CNTN1: variants seen among roughly 807,000 people sequenced by gnomAD.
CNTN1 encodes contactin 1.
In CNTN1, 38 loss-of-function variants were observed where a neutral mutation model predicts 126.4. That is an observed-to-expected ratio of 0.30 (90% CI 0.23 to 0.39). The LOEUF (loss-of-function observed/expected upper bound fraction) is 0.39, where lower values mean the gene tolerates loss of function less well. CNTN1 is among the 10% of genes least tolerant of loss of function. The pLI is 1.00. For synonymous variants in CNTN1, 413 were observed against 422.6 expected, an observed-to-expected ratio of 0.98 and a Z score of 0.28; for missense variants, 1,009 against 1,248.4, an observed-to-expected ratio of 0.81 and a Z score of 2.89.
chr12:40,889,690 A>T (rs191043858), intron 1 of CNTN1, among the ~76,000 whole-genome samples: 16 of 152,300 alleles, frequency 1.1e-4, no homozygotes, highest in Admixed American at 1.0e-3. Flanking sequence ...ATGAGTATTA[A>T]AAAAAGATAA....
chr12:40,840,597 A>C (rs1942238354), intron 1 of CNTN1, among the ~76,000 whole-genome samples: 1 of 151,096 alleles, frequency 6.6e-6, no homozygotes, highest in Admixed American at 6.6e-5. Flanking sequence ...TGAGACAGCA[A>C]AACAAGTCTC....
chr12:40,948,136 G>A (rs948556002), intron 14 of CNTN1, among the ~76,000 whole-genome samples: 4 of 151,766 alleles, frequency 2.6e-5, no homozygotes, highest in Non-Finnish European at 5.9e-5. Context: ...ACTTGGCACA[G>A]CATCTGAGAG....
intron 1 of CNTN1, among the ~76,000 whole-genome samples, chr12:40,793,467 A>G (rs944813385): frequency 4.8e-3 from 14 of 2,904 alleles, no homozygotes; most frequent in South Asian, 0.062. Context: ...CTTGTGGGGA[A>G]AAAAAAAAAA....
intron 1 of CNTN1, among the ~76,000 whole-genome samples, chr12:40,771,410 A>G (rs1413081322): frequency 6.6e-6 from 1 of 152,056 alleles, no homozygotes; most frequent in East Asian, 1.9e-4. Context: ...AAATAAAGTC[A>G]ATGTCTAGTG....
chr12:40,695,250 G>A (rs1034567955), intron 1 of CNTN1, among the ~76,000 whole-genome samples: 5 of 152,210 alleles, frequency 3.3e-5, no homozygotes, highest in Admixed American at 3.3e-4. Flanking sequence ...GATGGGTGCA[G>A]CAATGATTTG....
chr12:41,065,395 C>G (rs1189288129), intron 23 of CNTN1, among the ~76,000 whole-genome samples: 1 of 152,064 alleles, frequency 6.6e-6, no homozygotes, highest in Non-Finnish European at 1.5e-5. Flanking sequence ...GCCAGCTTGT[C>G]CTGTTAAAAT....
intron 1 of CNTN1, among the ~76,000 whole-genome samples, chr12:40,740,566 G>T (rs1309455533): frequency 6.6e-6 from 1 of 152,040 alleles, no homozygotes; most frequent in Non-Finnish European, 1.5e-5. Context: ...AGACAATTTA[G>T]GGCCCAGCCT....
At chr12:40,786,521 G>C (rs1940027442) in intron 1 of CNTN1, among the ~76,000 whole-genome samples, 1 of 152,154 alleles carries the variant, frequency 6.6e-6, no homozygotes, top group Admixed American at 6.5e-5. Flanking sequence ...TGGCTGAAGG[G>C]ACTTATAAGG....
At chr12:40,764,945 G>C (rs977055356) in intron 1 of CNTN1, among the ~76,000 whole-genome samples, 2 of 152,038 alleles carry the variant, frequency 1.3e-5, no homozygotes. Context: ...ATTGAGATTA[G>C]AGAACATATT....
chr12:40,695,074 G>A (rs1416290879), intron 1 of CNTN1, among the ~76,000 whole-genome samples: 3 of 152,146 alleles, frequency 2.0e-5, no homozygotes, highest in African/African-American at 7.2e-5. Flanking sequence ...GTCTTATTTT[G>A]TTGCTTAATC....
intron 1 of CNTN1, among the ~76,000 whole-genome samples, chr12:40,856,156 A>G (rs1180838822): frequency 6.6e-6 from 1 of 152,142 alleles, no homozygotes; most frequent in Non-Finnish European, 1.5e-5. Context: ...AGATAAATGT[A>G]TCTTAAGTTA....
At chr12:40,749,284 TGTACA>T (rs1283152234) in intron 1 of CNTN1, among the ~76,000 whole-genome samples, 1 of 152,144 alleles carries the variant, frequency 6.6e-6, no homozygotes, top group Non-Finnish European at 1.5e-5. Context: ...GCAAACTGAA[TGTACA>T]GTAAACAGCC....
chr12:40,788,940 T>C (rs954070531), intron 1 of CNTN1, among the ~76,000 whole-genome samples: 2 of 152,166 alleles, frequency 1.3e-5, no homozygotes, highest in Admixed American at 6.6e-5. Context: ...TCGATATTCT[T>C]AATTTTTAAT....
chr12:41,036,194 A>G (rs953474917), intron 23 of CNTN1, among the ~76,000 whole-genome samples: 1 of 152,162 alleles, frequency 6.6e-6, no homozygotes, highest in African/African-American at 2.4e-5. Flanking sequence ...TAAAGAGTGT[A>G]TGTGAAGACT....
At chr12:40,837,030 T>C (rs1365961991) in intron 1 of CNTN1, among the ~76,000 whole-genome samples, 2 of 152,230 alleles carry the variant, frequency 1.3e-5, no homozygotes, top group African/African-American at 2.4e-5. Flanking sequence ...TTCAGTGATA[T>C]TTCGGAACCC....
intron 17 of CNTN1, among the ~76,000 whole-genome samples, chr12:40,994,668 A>G (rs962168856): frequency 3.3e-5 from 5 of 152,094 alleles, no homozygotes; most frequent in Non-Finnish European, 7.4e-5. Context: ...TGTCTCCTAT[A>G]AAGCTTCATC....
intron 19 of CNTN1, 27 bp from the exon 20 acceptor site, chr12:41,020,310 T>A (rs1184604683): frequency 7.2e-7 from 1 of 1,388,758 alleles, no homozygotes; most frequent in South Asian, 1.2e-5. Flanking sequence ...ATCTCACTAA[T>A]AATATAATGT....
Position 40,824,354 on chromosome 12 carries a change from C to A in CNTN1, c.-76-84003C>A, listed in dbSNP as rs996081622. On this transcript the variant is annotated intron_variant, in intron 1 of 23. Transcript: ENST00000551295. The stretch of plus-strand genomic sequence containing the variant: ...TCTCTTTCCTGGAAATGCCTTCAAG[C>A]CTTTTCTTCCAACACTAAGCCTTGA... Among the ~76,000 whole-genome samples, 4 of 152,062 alleles carry A rather than the reference C, an allele frequency of 2.6e-5. No individual in the cohort carries two copies. In the East Asian group the frequency reaches 5.8e-4, roughly 22 times the overall value.
chr12:40,871,247 G>GGTAT (rs1276654732), intron 1 of CNTN1, among the ~76,000 whole-genome samples: 2 of 151,108 alleles, frequency 1.3e-5, no homozygotes, highest in African/African-American at 2.4e-5. Context: ...ATAAACACAG[G>GGTAT]GTATGGTATT....
Sources: gnomAD v4.1 joint callset for allele counts (sites outside exome capture counted in the v4.1 genomes callset) on GRCh38, gnomAD v4.1.1 for gene constraint, MANE v1.5 for transcripts, NCBI Gene and HGNC (gene_info 2026-07-23, HGNC 2026-07-21) for gene names.